The following NLGN1 variants were observed in gnomAD, a reference collection of about 807,000 sequenced individuals.
The protein encoded by NLGN1 is neuroligin-1.
Under a neutral mutation model 65.5 loss-of-function variants are expected in NLGN1, and 12 were observed. The ratio of observed to expected loss-of-function variants is 0.18; its 90% CI spans 0.12 to 0.30. The LOEUF (loss-of-function observed/expected upper bound fraction) is 0.30, where lower values mean the gene tolerates loss of function less well. NLGN1 is among the 10% of genes least tolerant of loss of function. NLGN1 has a pLI of 1.00. For missense variants in NLGN1, 750 were observed against 1,007.1 expected (o/e 0.74, Z 3.46); for synonymous variants, 350 against 359.5 (o/e 0.97, Z 0.30).
At chr3:174,082,016 T>C (rs1580195960) in intron 4 of NLGN1, among the ~76,000 whole-genome samples, 1 of 152,236 alleles carries the variant, frequency 6.6e-6, no homozygotes, top group Non-Finnish European at 1.5e-5. Flanking sequence ...GTGAGCCATT[T>C]AGGCTGTAAG....
At position 173,805,936 on chromosome 3, in the gene NLGN1, A is replaced by G. The variant is rs114091429; in HGVS notation, c.494-1744A>G. Among the ~76,000 whole-genome samples the G allele has an allele frequency of 7.5e-3, 1,135 of 152,242 alleles. 18 individuals are homozygous for G. Among genetic ancestry groups the G allele is most frequent in the African/African-American group, 0.025 (1,025 of 41,558 alleles). The stretch of plus-strand genomic sequence containing the variant: ...CCCAGATCTTTATAAATGAATGAAT[A>G]CTATTTTTTTCTCCCAAGGTTTCAA... On this transcript the variant is annotated intron_variant, in intron 3 of 6. Coordinates refer to ENST00000457714, the Ensembl canonical transcript of NLGN1.
At chr3:174,199,326 T>C (rs892586032) in intron 4 of NLGN1, among the ~76,000 whole-genome samples, 10 of 151,748 alleles carry the variant, frequency 6.6e-5, no homozygotes, top group Non-Finnish European at 1.3e-4. Context: ...ACATAAAGGA[T>C]TTGAGACAAT....
intron 4 of NLGN1, among the ~76,000 whole-genome samples, chr3:174,266,614 G>C (rs913406234): frequency 6.6e-6 from 1 of 152,036 alleles, no homozygotes; most frequent in African/African-American, 2.4e-5. Context: ...TCTATTTTAA[G>C]TTCTTCAAGA....
chr3:173,635,499 A>G (rs1182531990), intron 3 of NLGN1, among the ~76,000 whole-genome samples: 3 of 152,170 alleles, frequency 2.0e-5, no homozygotes, highest in Non-Finnish European at 2.9e-5. Flanking sequence ...CTGTTTGTCG[A>G]AAGAGAAAAA....
chr3:173,629,834 C>T (rs1165308732), intron 3 of NLGN1, among the ~76,000 whole-genome samples: 1 of 152,072 alleles, frequency 6.6e-6, no homozygotes, highest in Non-Finnish European at 1.5e-5. Flanking sequence ...AATCAATCTC[C>T]ACTTCAGAGT....
chr3:173,971,065 A>G (rs1392279841), intron 4 of NLGN1, among the ~76,000 whole-genome samples: 1 of 152,146 alleles, frequency 6.6e-6, no homozygotes, highest in Non-Finnish European at 1.5e-5. Flanking sequence ...AACTGCCTAC[A>G]TGGAGGAGAT....
chr3:173,702,482 G>A (rs546429117), intron 3 of NLGN1, among the ~76,000 whole-genome samples: 1 of 152,230 alleles, frequency 6.6e-6, no homozygotes, highest in Non-Finnish European at 1.5e-5. Context: ...TACCTTAAAG[G>A]AGCAAAGTTC....
chr3:173,976,392 G>A (rs1015052898), intron 4 of NLGN1, among the ~76,000 whole-genome samples: 70 of 152,086 alleles, frequency 4.6e-4, no homozygotes, highest in African/African-American at 1.5e-3. Context: ...GCCTAATTGC[G>A]TGTAAAACTC....
intron 4 of NLGN1, among the ~76,000 whole-genome samples, chr3:174,215,279 A>G (rs1357963518): frequency 6.6e-6 from 1 of 152,210 alleles, no homozygotes; most frequent in Non-Finnish European, 1.5e-5. Context: ...CTGCTATCAT[A>G]TAGGCCTCTG....
At chr3:173,504,901 C>T (rs1278224325) in intron 2 of NLGN1, among the ~76,000 whole-genome samples, 1 of 152,074 alleles carries the variant, frequency 6.6e-6, no homozygotes, top group African/African-American at 2.4e-5. Context: ...AGACGAAAAA[C>T]TCCTAAATAA....
At chr3:173,914,943 A>G (rs1429025276) in intron 4 of NLGN1, 1 of 152,178 alleles carries the variant, frequency 6.6e-6, no homozygotes, top group South Asian at 2.1e-4. Context: ...GGAGCACAAG[A>G]TTTTATTTTC....
chr3:173,539,679 C>CATACATACATGTACATATGCACATAT (rs1738265308), intron 2 of NLGN1, among the ~76,000 whole-genome samples: 3 of 80,038 alleles, frequency 3.7e-5, no homozygotes, highest in African/African-American at 2.4e-4. Context: ...ACATATATAA[C>CATACATACATGTACATATGCACATAT]ATACATATAT....
intron 4 of NLGN1, among the ~76,000 whole-genome samples, chr3:173,887,086 G>A (rs995684050): frequency 3.3e-5 from 5 of 151,976 alleles, no homozygotes; most frequent in Non-Finnish European, 7.4e-5. Context: ...ATTAGTTATT[G>A]TAAGGTATAG....
chr3:173,944,856 A>C (rs564165812), intron 4 of NLGN1, among the ~76,000 whole-genome samples: 88 of 152,160 alleles, frequency 5.8e-4, no homozygotes, highest in Non-Finnish European at 1.1e-3. Context: ...GGTATTCAGT[A>C]ATCATGATTT....
intron 3 of NLGN1, among the ~76,000 whole-genome samples, chr3:173,673,493 G>T (rs1216088933): frequency 1.3e-5 from 2 of 152,090 alleles, no homozygotes; most frequent in African/African-American, 4.8e-5. Flanking sequence ...GGTTTGCAAG[G>T]TCTAGTTTGC....
chr3:174,100,605 G>T (rs9872442), intron 4 of NLGN1, among the ~76,000 whole-genome samples: 29,946 of 151,784 alleles, frequency 0.2, 4,286 homozygotes, highest in African/African-American at 0.41. Context: ...CCAGCCACAC[G>T]GAACTCTAAA....
intron 1 of NLGN1, among the ~76,000 whole-genome samples, chr3:173,428,699 G>C (rs1162283564): frequency 1.3e-5 from 2 of 151,942 alleles, no homozygotes; most frequent in Non-Finnish European, 2.9e-5. Context: ...CAAGTTTAGA[G>C]TATTCTGCAT....
At chr3:173,438,630 A>G (rs1718588260) in intron 2 of NLGN1, among the ~76,000 whole-genome samples, 2 of 152,186 alleles carry the variant, frequency 1.3e-5, no homozygotes, top group South Asian at 4.1e-4. Flanking sequence ...CAAAGTTTAG[A>G]GCTGAAATTA....
intron 4 of NLGN1, among the ~76,000 whole-genome samples, chr3:174,179,275 G>T (rs60675841): frequency 0.015 from 2,289 of 152,144 alleles, 56 homozygotes; most frequent in African/African-American, 0.052. Flanking sequence ...AAAAATAAAT[G>T]AAATTCCAAG....
Sources: allele counts gnomAD v4.1 joint callset (sites outside exome capture counted in the v4.1 genomes callset), GRCh38; gene constraint gnomAD v4.1.1; transcripts MANE v1.5; gene names NCBI Gene and HGNC (gene_info 2026-07-23, HGNC 2026-07-21).